Variants in SHQ1 observed in about 807,000 individuals in gnomAD.
SHQ1 encodes protein SHQ1 homolog.
In SHQ1, 49 loss-of-function variants were observed where a neutral mutation model predicts 53.8. The observed-to-expected ratio is 0.91, with a 90% CI of 0.72 to 1.16. The LOEUF is 1.16. SHQ1 is among the 50% of genes most tolerant of loss of function. The pLI is 0.00. For missense variants in SHQ1, 738 were observed against 683.1 expected (o/e 1.08, Z -0.90); for synonymous variants, 243 against 251.0 (o/e 0.97, Z 0.30).
chr3:72,831,392 A>C (rs953919430), intron 5 of SHQ1, among the ~76,000 whole-genome samples: 1 of 152,226 alleles, frequency 6.6e-6, no homozygotes, highest in Non-Finnish European at 1.5e-5. Context: ...AAAATGACAA[A>C]TGGAGAGACT....
intron 10 of SHQ1, among the ~76,000 whole-genome samples, chr3:72,757,932 G>A (rs1559659785): frequency 6.6e-6 from 1 of 152,114 alleles, no homozygotes; most frequent in Non-Finnish European, 1.5e-5. Context: ...CATGACACAA[G>A]TTTACCTATA....
intron 10 of SHQ1, among the ~76,000 whole-genome samples, chr3:72,786,766 A>G (rs1706244119): frequency 6.6e-6 from 1 of 152,168 alleles, no homozygotes; most frequent in Admixed American, 6.5e-5. Context: ...CCCAGCACCT[A>G]TCTCACCACC....
At chr3:72,841,352 CAA>C (rs751315965) in intron 3 of SHQ1, among the ~76,000 whole-genome samples, 153 bp from the exon 4 acceptor site, 44 of 119,746 alleles carry the variant, frequency 3.7e-4, no homozygotes, top group African/African-American at 2.5e-4. Context: ...TTCGTGACAG[CAA>C]AAAAAAAAAA....
At chr3:72,832,220 A>C in intron 5 of SHQ1, 149 bp downstream of exon 5, 1 of 624,568 alleles carries the variant, frequency 1.6e-6, no homozygotes. Flanking sequence ...CAACCATTGT[A>C]GGTTAATTCA....
intron 10 of SHQ1, among the ~76,000 whole-genome samples, chr3:72,765,565 T>A (rs1199641255): frequency 9.4e-5 from 12 of 127,368 alleles, no homozygotes; most frequent in African/African-American, 4.5e-4. Flanking sequence ...ATATTTTTTT[T>A]TTTTTTTTGA....
In SHQ1 at chr3:72,788,095, C is replaced by T. The variant is rs570108683; in HGVS notation, c.1181+4821G>A. On this transcript the variant is annotated intron_variant, in intron 10 of 10. Coordinates refer to ENST00000325599, the MANE Select transcript of SHQ1 (RefSeq NM_018130.3). ...CAACCTCCCAGCTGCCTGCCTTGGC[C>T]TCCCAAAGTGCCAAGTTTGCAGCCT... Among the ~76,000 whole-genome samples the T allele has an allele frequency of 4.4e-3, 674 of 152,336 alleles. 3 individuals carry two copies. The highest frequency in any genetic ancestry group is 7.4e-3 in the Non-Finnish European group (500 of 68,022).
intron 9 of SHQ1, 83 bp from the exon 10 acceptor site, chr3:72,793,119 A>C (rs936881136): frequency 1.6e-5 from 20 of 1,230,060 alleles, no homozygotes; most frequent in Non-Finnish European, 2.3e-5. Flanking sequence ...AAAGCAGCTC[A>C]GAATCCTGAT....
chr3:72,823,407 A>T (rs1245832623), intron 6 of SHQ1, among the ~76,000 whole-genome samples: 1 of 152,164 alleles, frequency 6.6e-6, no homozygotes, highest in Non-Finnish European at 1.5e-5. Context: ...AAAATAAAAA[A>T]CTGTGATGCA....
downstream of SHQ1, among the ~76,000 whole-genome samples, chr3:72,748,820 T>C (rs1191298188): frequency 6.6e-6 from 1 of 152,022 alleles, no homozygotes; most frequent in Non-Finnish European, 1.5e-5. Flanking sequence ...CTACAAAGAT[T>C]AGCTGGGTGT....
chr3:72,767,944 A>G (rs1705766682), intron 10 of SHQ1, among the ~76,000 whole-genome samples: 1 of 152,174 alleles, frequency 6.6e-6, no homozygotes, highest in East Asian at 1.9e-4. Flanking sequence ...GGCGGGAGAT[A>G]TAAGTGCTTT....
Position 72,848,380 on chromosome 3 carries a change from C to T in SHQ1, c.-40G>A, listed in dbSNP as rs1042883654. 1 of 1,608,000 alleles carries T rather than the reference C, an allele frequency of 6.2e-7. No homozygotes were observed. Among genetic ancestry groups the T allele is most frequent in the South Asian group, 1.1e-5 (1 of 90,800 alleles). ...CAAGGGCCGGCGCCGCTCGCTCTCA[C>T]TGCCGCCGCGTTCCCGCCACGCAAA... On this transcript the variant is annotated 5_prime_UTR_variant, in exon 1 of 11. It adds an upstream start codon to the 5' untranslated region. Coordinates refer to ENST00000325599, the MANE Select transcript of SHQ1 (RefSeq NM_018130.3).
At chr3:72,764,775 G>T (rs1350365061) in intron 10 of SHQ1, among the ~76,000 whole-genome samples, 10 of 152,152 alleles carry the variant, frequency 6.6e-5, no homozygotes. Context: ...GCACCATGAT[G>T]TTTGGAACAC....
intron 6 of SHQ1, among the ~76,000 whole-genome samples, chr3:72,819,351 ATCATCTT>A (rs1395249659): frequency 6.6e-6 from 1 of 152,110 alleles, no homozygotes; most frequent in African/African-American, 2.4e-5. Context: ...ATAAACCCTA[ATCATCTT>A]TCCAAAGCTA....
chr3:72,781,065 C>CTTTTTTTTTTTT (rs527930281), intron 10 of SHQ1, among the ~76,000 whole-genome samples: 1 of 131,172 alleles, frequency 7.6e-6, no homozygotes, highest in Non-Finnish European at 1.7e-5. Flanking sequence ...TTTTTTTTTT[C>CTTTTTTTTTTTT]TTTTTTTTTT....
intron 9 of SHQ1, among the ~76,000 whole-genome samples, chr3:72,807,064 T>A (rs1706975317): frequency 6.6e-6 from 1 of 152,202 alleles, no homozygotes. Flanking sequence ...AAAATATGTG[T>A]TGAACAAATC....
downstream of SHQ1, among the ~76,000 whole-genome samples, chr3:72,747,576 T>C (rs1258625571): frequency 1.3e-5 from 2 of 152,204 alleles, no homozygotes; most frequent in African/African-American, 2.4e-5. Flanking sequence ...GGCTGAGGAC[T>C]TGGGGTGACC....
At chr3:72,811,659 G>A (rs774897413) in intron 9 of SHQ1, among the ~76,000 whole-genome samples, 1 of 152,078 alleles carries the variant, frequency 6.6e-6, no homozygotes, top group Non-Finnish European at 1.5e-5. Flanking sequence ...TTTCAAACAT[G>A]ATTTTCTTCC....
chr3:72,738,214 C>A, the SHQ1 span, among the ~76,000 whole-genome samples: 1 of 152,166 alleles, frequency 6.6e-6, no homozygotes, highest in African/African-American at 2.4e-5. Flanking sequence ...ACCCTGTGCC[C>A]AACCTGGGAA....
chr3:72,751,508 G>GTGTGTGTGTATATATATATATA (rs1210782182), intron 10 of SHQ1, among the ~76,000 whole-genome samples: 2 of 116,984 alleles, frequency 1.7e-5, no homozygotes, highest in African/African-American at 8.9e-5. Flanking sequence ...GTGTGTGTGT[G>GTGTGTGTGTATATATATATATA]TATATATATA....
Sources: allele counts gnomAD v4.1 joint callset (sites outside exome capture counted in the v4.1 genomes callset), GRCh38; gene constraint gnomAD v4.1.1; transcripts MANE v1.5; gene names NCBI Gene and HGNC (gene_info 2026-07-23, HGNC 2026-07-21).